The following CREB5 variants were observed in gnomAD, a reference collection of about 807,000 sequenced individuals.
The protein encoded by CREB5 is cyclic AMP-responsive element-binding protein 5.
Under a neutral mutation model 57.1 loss-of-function variants are expected in CREB5, and 19 were observed. The observed-to-expected ratio is 0.33, with a 90% CI of 0.23 to 0.49. The LOEUF is 0.49. Ranked by LOEUF, CREB5 falls within the 20% of genes least tolerant of loss-of-function variation. The pLI, the probability that CREB5 is intolerant of heterozygous loss-of-function variation, is 0.99. For missense variants in CREB5, 579 were observed against 671.6 expected (o/e 0.86, Z 1.52); for synonymous variants, 238 against 238.3 (o/e 1.00, Z 0.01).
intron 1 of CREB5, among the ~76,000 whole-genome samples, chr7:28,399,871 A>C (rs1787418464): frequency 6.6e-6 from 1 of 152,108 alleles, no homozygotes; most frequent in Admixed American, 6.5e-5. Context: ...CCTGACCAAC[A>C]TGGTGAAACC....
intron 7 of CREB5, among the ~76,000 whole-genome samples, chr7:28,757,086 C>A (rs1159889773): frequency 6.6e-6 from 1 of 152,166 alleles, no homozygotes; most frequent in South Asian, 2.1e-4. Flanking sequence ...ATTTTTTTAG[C>A]GTACTGTTAC....
At chr7:28,559,005 C>T (rs118034848) in intron 4 of CREB5, among the ~76,000 whole-genome samples, 2,258 of 152,236 alleles carry the variant, frequency 0.015, 27 homozygotes, top group Middle Eastern at 0.044. Context: ...GCATGTGCTG[C>T]GCCCCTTTCG....
Position 28,651,212 on chromosome 7 carries a change from T to C in CREB5, c.465-67541T>C, listed in dbSNP as rs374018675. Among the ~76,000 whole-genome samples, 3 of 152,244 alleles carry C rather than the reference T, an allele frequency of 2.0e-5. 1 individual carries two copies. ...GCCAGGCAATTTTTATTGAAAATCA[T>C]AGTAATGACTTCAGGCCAATATAGA... On this transcript the variant is annotated intron_variant, in intron 5 of 10. Coordinates refer to ENST00000357727, the MANE Select transcript of CREB5 (RefSeq NM_182898.4).
At chr7:28,426,443 C>T (rs932975901) in intron 1 of CREB5, among the ~76,000 whole-genome samples, 38 of 152,292 alleles carry the variant, frequency 2.5e-4, no homozygotes, top group African/African-American at 8.7e-4. Context: ...GCCCCTAGGC[C>T]CCTCAGCCAC....
In CREB5 at chr7:28,412,570, A is replaced by G. The variant is rs1421344055; in HGVS notation, c.-345A>G. The G allele has an allele frequency of 9.2e-6, 2 of 217,658 alleles. No homozygotes were observed. The highest frequency in any genetic ancestry group is 1.8e-5 in the Non-Finnish European group (2 of 111,322). The allele number at this position is 217,658 out of a possible 1,614,324, so 13.5% of individuals were successfully genotyped here. A position where few individuals can be genotyped will look rare whatever the true frequency, so the allele number is the denominator to read the frequency against. On this transcript the variant is annotated 5_prime_UTR_variant, in exon 1 of 11. Coordinates refer to ENST00000357727, the MANE Select transcript of CREB5 (RefSeq NM_182898.4). ...TTCTGTGTAGGGTTGGAGGCTAGAC[A>G]GTTCCACAAATTTTTAGTCACATTT...
chr7:28,660,652 T>G, intron 5 of CREB5, among the ~76,000 whole-genome samples: 1 of 152,180 alleles, frequency 6.6e-6, no homozygotes, highest in East Asian at 1.9e-4. Context: ...TCTAGAGAAC[T>G]TTGTTTAACC....
At chr7:28,780,709 C>CA (rs780546867) in intron 7 of CREB5, among the ~76,000 whole-genome samples, 35 of 152,212 alleles carry the variant, frequency 2.3e-4, no homozygotes, top group Admixed American at 9.8e-4. Flanking sequence ...GCCACAGATT[C>CA]AAAATCAAAG....
chr7:28,354,989 C>T lies in CREB5; in HGVS notation c.-25+55548C>T, dbSNP rs558422547. 8.5e-5 allele frequency among the ~76,000 whole-genome samples: 13 copies of T among 152,298 alleles called. No homozygotes were observed. In the East Asian group the frequency reaches 1.2e-3, roughly 14 times the overall value. On this transcript the variant is annotated intron_variant, in intron 1 of 9. Transcript: ENST00000396299. ...TAAACCAATGGGGCCTAGCCACCCC[C>T]GCATGGCTTGTTAAGCAAGCAGTAA... is the stretch of plus-strand genomic sequence containing the variant.
chr7:28,341,345 CTGAGA>C (rs1310077644), intron 1 of CREB5, among the ~76,000 whole-genome samples: 1 of 152,144 alleles, frequency 6.6e-6, no homozygotes, highest in Admixed American at 6.5e-5. Context: ...TTTCAACTCA[CTGAGA>C]TAATTCTGGA....
intron 4 of CREB5, among the ~76,000 whole-genome samples, chr7:28,535,934 A>C (rs35277145): frequency 0.15 from 23,012 of 152,182 alleles, 2,077 homozygotes; most frequent in East Asian, 0.3. Context: ...AAAATGAAAA[A>C]AAGAGAAAAC....
rs540327741 is a variant in CREB5, at chr7:28,792,295, C to G, written c.703-11904C>G. 9.3e-5 allele frequency among the ~76,000 whole-genome samples: 14 copies of G among 151,252 alleles called. No homozygotes were observed. In the East Asian group the frequency reaches 2.1e-3, roughly 23 times the overall value. On this transcript the variant is annotated intron_variant, in intron 7 of 10. Transcript: ENST00000357727. Reference sequence around the variant, plus strand: ...TTCCAGCCTGGATGATAGAGCAAGACTCTGTCTCAAAAAAAAATTGCCAAA... The same window carrying G: ...TTCCAGCCTGGATGATAGAGCAAGAGTCTGTCTCAAAAAAAAATTGCCAAA...
chr7:28,783,694 C>A (rs904529317), intron 7 of CREB5, among the ~76,000 whole-genome samples: 5 of 152,112 alleles, frequency 3.3e-5, no homozygotes, highest in African/African-American at 1.2e-4. Context: ...TGGGGGGAGA[C>A]CTTGGGTAAA....
At chr7:28,589,158 A>T (rs866307783) in intron 5 of CREB5, among the ~76,000 whole-genome samples, 13 of 152,230 alleles carry the variant, frequency 8.5e-5, no homozygotes, top group African/African-American at 3.1e-4. Context: ...ATATAGCTGT[A>T]CATCTATCCA....
chr7:28,779,990 A>T (rs1440730540), intron 7 of CREB5, among the ~76,000 whole-genome samples: 2 of 152,154 alleles, frequency 1.3e-5, no homozygotes, highest in Non-Finnish European at 2.9e-5. Flanking sequence ...GCTGGTCTCA[A>T]ACTCCTGAGC....
rs1809726689 is a variant in CREB5 at position 28,820,872 on chromosome 7, ATAGGTG to A, written c.*1595_*1600del. The A allele has an allele frequency of 1.3e-5, 2 of 152,518 alleles. No individual in the cohort carries two copies. The highest frequency in any genetic ancestry group is 3.9e-4 in the East Asian group (2 of 5,184). The allele number at this position is 152,518 out of a possible 1,614,324, so 9.4% of individuals were successfully genotyped here. On this transcript the variant is annotated 3_prime_UTR_variant, in exon 11 of 11. Transcript: ENST00000357727. ...TTCTTCCTCCCAAAGTGTTGGGATT[ATAGGTG>A]TGAGCCACTGCACCCAGCCTACTTC...
intron 7 of CREB5, among the ~76,000 whole-genome samples, chr7:28,734,964 G>C (rs936854057): frequency 2.0e-5 from 3 of 152,056 alleles, no homozygotes; most frequent in Admixed American, 1.3e-4. Flanking sequence ...AGAATCCAGG[G>C]AACTAGTAAT....
intron 1 of CREB5, among the ~76,000 whole-genome samples, chr7:28,382,039 G>T (rs1402571635): frequency 7.9e-5 from 12 of 152,222 alleles, no homozygotes; most frequent in Non-Finnish European, 1.5e-5. Context: ...GGAAGCCAAT[G>T]GTGTAGCTCT....
intron 4 of CREB5, among the ~76,000 whole-genome samples, chr7:28,537,127 AT>A (rs1482242124): frequency 1.3e-5 from 2 of 152,210 alleles, no homozygotes; most frequent in African/African-American, 4.8e-5. Context: ...GAGAGGTTGA[AT>A]TGTGCTGTTC....
chr7:28,371,237 G>A (rs1211516712), intron 1 of CREB5, among the ~76,000 whole-genome samples: 2 of 152,130 alleles, frequency 1.3e-5, no homozygotes, highest in East Asian at 1.9e-4. Flanking sequence ...TTGGGAGGCC[G>A]AGGTGGGAGG....
Sources: allele counts gnomAD v4.1 joint callset (sites outside exome capture counted in the v4.1 genomes callset), GRCh38; gene constraint gnomAD v4.1.1; transcripts MANE v1.5; gene names NCBI Gene and HGNC (gene_info 2026-07-23, HGNC 2026-07-21).